Variants in TAGLN2 observed in about 807,000 individuals in gnomAD.
The protein encoded by TAGLN2 is transgelin-2.
In TAGLN2, 14 loss-of-function variants were observed where a neutral mutation model predicts 24.9. The ratio of observed to expected loss-of-function variants is 0.56; its 90% CI spans 0.37 to 0.88. TAGLN2 has a LOEUF of 0.88. TAGLN2 is among the 40% of genes least tolerant of loss of function. The probability of loss-of-function intolerance (pLI) is 0.00; values close to 1 mark genes in which losing one functional copy is unlikely to be tolerated. For missense variants in TAGLN2, 208 were observed against 258.9 expected, an observed-to-expected ratio of 0.80 and a Z score of 1.35; for synonymous variants, 77 against 98.2, an observed-to-expected ratio of 0.78 and a Z score of 1.28.
chr1:159,918,798 G>T lies in TAGLN2; in HGVS notation c.*2C>A. 1.2e-6 allele frequency: 2 copies of T among 1,613,970 alleles called. No homozygotes were observed. The highest frequency in any genetic ancestry group is 2.2e-5 in the East Asian group (1 of 44,890). ...AGGGCAGGGGCAAGGCCTGGGGTGG[G>T]ATCAGAGGATCTGGCGTGGCATCCC... On this transcript the variant is annotated 3_prime_UTR_variant, in exon 5 of 5. Coordinates refer to ENST00000368097, the MANE Select transcript of TAGLN2 (RefSeq NM_003564.3).
chr1:159,919,916 G>A, intron 2 of TAGLN2, 81 bp from the exon 3 acceptor site: 5 of 1,489,670 alleles, frequency 3.4e-6, no homozygotes, highest in Middle Eastern at 1.8e-4. Flanking sequence ...CAGAACCAGA[G>A]ACAATGAACC....
Position 159,919,196 on chromosome 1 carries a change from A to G in TAGLN2, c.458+78T>C, listed in dbSNP as rs557463476. On this transcript the variant is annotated intron_variant, in intron 4 of 4. Coordinates refer to ENST00000368097, the MANE Select transcript of TAGLN2 (RefSeq NM_003564.3). ...TTGTAAAGGGCCAGCTGCTACTGAGATAAGTTATTTCCTAGGGACAGGATT... is the reference window on the plus strand; with the variant it reads ...TTGTAAAGGGCCAGCTGCTACTGAGGTAAGTTATTTCCTAGGGACAGGATT... 15 of 1,442,920 alleles carry G rather than the reference A, an allele frequency of 1.0e-5. No individual in the cohort carries two copies. The South Asian group carries it at 1.4e-4, about 13-fold the overall frequency. 89.4% of individuals were successfully genotyped at this position (1,442,920 alleles called of 1,614,324 possible).
At position 159,919,323 on chromosome 1, in the gene TAGLN2, C is replaced by T; in HGVS notation, c.409G>A (p.Val137Ile). Residue 137 changes from valine (V) to isoleucine (I), a missense_variant, in exon 4 of 5, where the codon GTA becomes ATA. Physicochemically the swap from Val to Ile is conservative, Grantham distance 29. Coordinates refer to ENST00000368097, the MANE Select transcript of TAGLN2 (RefSeq NM_003564.3). ...GAGAAGAGCCCATCATCTCGGGCTA[C>T]TGCCAGCCCACCCAGATTCATCAGC... ...RTLMNLGGLA[V>I]ARDDGLFSGD... The T allele has an allele frequency of 4.3e-6, 7 of 1,614,242 alleles. No individual in the cohort carries two copies. Among genetic ancestry groups the T allele is most frequent in the Non-Finnish European group, 5.9e-6 (7 of 1,180,048 alleles).
At chr1:159,919,183 A>G in intron 4 of TAGLN2, 91 bp downstream of exon 4, 1 of 1,369,186 alleles carries the variant, frequency 7.3e-7, no homozygotes, top group Non-Finnish European at 1.0e-6. Context: ...GTAAAGGGCC[A>G]GCTGCTACTG....
intron 1 of TAGLN2, chr1:159,925,174 G>T (rs1650663540): frequency 6.6e-6 from 1 of 152,256 alleles, no homozygotes; most frequent in African/African-American, 2.4e-5. Context: ...CTCAGCGATG[G>T]AGCCCGCGGG....
rs1388097172 is a variant in TAGLN2 at position 159,918,615 on chromosome 1, A to G, written c.*185T>C. The G allele has an allele frequency of 5.1e-6, 4 of 786,266 alleles. No homozygotes were observed. The highest frequency in any genetic ancestry group is 2.0e-6 in the Non-Finnish European group (1 of 502,240). 48.7% of individuals were successfully genotyped at this position (786,266 alleles called of 1,614,324 possible). A position where few individuals can be genotyped will look rare whatever the true frequency, so the allele number is the denominator to read the frequency against. ...TTGATGGCTATGGGGAAGGGAATGT[A>G]TTAGTAAGCATGGGGGAGAGGATGC... is the stretch of plus-strand genomic sequence containing the variant. On this transcript the variant is annotated 3_prime_UTR_variant, in exon 5 of 5. Transcript: ENST00000368097.
intron 1 of TAGLN2, among the ~76,000 whole-genome samples, chr1:159,922,186 C>T (rs542529886): frequency 8.5e-5 from 13 of 152,328 alleles, no homozygotes; most frequent in Admixed American, 2.6e-4. Context: ...CAGCCTGCCT[C>T]AAACCCTCAA....
At chr1:159,922,843 C>T (rs981034739) in intron 1 of TAGLN2, among the ~76,000 whole-genome samples, 1 of 152,248 alleles carries the variant, frequency 6.6e-6, no homozygotes, top group African/African-American at 2.4e-5. Context: ...GCCTCCCAGA[C>T]CCACCACTGG....
At chr1:159,922,756 G>A (rs1384173435) in intron 1 of TAGLN2, among the ~76,000 whole-genome samples, 1 of 152,178 alleles carries the variant, frequency 6.6e-6, no homozygotes, top group Non-Finnish European at 1.5e-5. Context: ...CCTAGACACT[G>A]GGGTTAAGAG....
At position 159,919,759 on chromosome 1, in the gene TAGLN2, G is replaced by A. The variant is rs1650465304; in HGVS notation, c.257C>T (p.Ala86Val). 2.5e-6 allele frequency: 4 copies of A among 1,613,934 alleles called. No homozygotes were observed. Among genetic ancestry groups the A allele is most frequent in the Admixed American group, 1.7e-5 (1 of 59,988 alleles). The change falls in exon 3 of 5, where the codon GCC becomes GTC. Residue 86 changes from alanine (A) to valine (V), a missense_variant. Ala to Val is a moderately conservative substitution (Grantham distance 64, BLOSUM62 0). Coordinates refer to ENST00000368097, the MANE Select transcript of TAGLN2 (RefSeq NM_003564.3). ...PVKKIQASTM[A>V]FKQMEQISQF... is the part of the protein sequence containing the mutation. ...AGAGATCTGCTCCATCTGCTTGAAG[G>A]CCATGGTGGAGGCCTGGATCTTCTT...
intron 4 of TAGLN2, 156 bp from the exon 5 acceptor site, chr1:159,919,097 C>CCTTTGGACAGATG: frequency 7.6e-7 from 1 of 1,315,792 alleles, no homozygotes; most frequent in Non-Finnish European, 1.1e-6. Context: ...CTCATCTGTC[C>CCTTTGGACAGATG]AAAGGGACAG....
intron 4 of TAGLN2, 147 bp downstream of exon 4, chr1:159,919,127 G>C (rs1264067862): frequency 4.1e-6 from 5 of 1,234,116 alleles, no homozygotes; most frequent in Non-Finnish European, 4.6e-6. Flanking sequence ...ATCCCAGAGG[G>C]TGTTGTGAGG....
intron 1 of TAGLN2, among the ~76,000 whole-genome samples, chr1:159,923,237 C>T (rs760439131): frequency 6.6e-6 from 1 of 152,148 alleles, no homozygotes; most frequent in Non-Finnish European, 1.5e-5. Flanking sequence ...GTGTGGGGGA[C>T]CCCCAGAGCT....
At chr1:159,923,694 CCG>C in intron 1 of TAGLN2, 1 of 438,994 alleles carries the variant, frequency 2.3e-6, no homozygotes, top group Non-Finnish European at 4.1e-6. Context: ...AAGGGAACCA[CCG>C]TAGGGCAGCC....
rs746039655 is a variant in TAGLN2 at position 159,920,400 on chromosome 1, T to G, written c.110A>C (p.Gln37Pro). 3 of 1,614,052 alleles carry G rather than the reference T, an allele frequency of 1.9e-6. No individual in the cohort carries two copies. The highest frequency in any genetic ancestry group is 2.5e-6 in the Non-Finnish European group (3 of 1,180,020). The change falls in exon 2 of 5, where the codon CAG (glutamine) becomes CCG (proline). Residue 37 changes from glutamine to proline, a missense_variant. Coordinates refer to ENST00000368097, the MANE Select transcript of TAGLN2 (RefSeq NM_003564.3). ...GGGCCGGCCCACATCCTTTCGGCACTGGGTGGTGATCCACTGGATCAGGAT... is the reference window on the plus strand; with the variant it reads ...GGGCCGGCCCACATCCTTTCGGCACGGGGTGGTGATCCACTGGATCAGGAT... Reference protein sequence around the residue: ...EQILIQWITTQCRKDVGRPQP... With the variant: ...EQILIQWITTPCRKDVGRPQP...
At chr1:159,922,628 C>T (rs1038606715) in intron 1 of TAGLN2, among the ~76,000 whole-genome samples, 2 of 152,202 alleles carry the variant, frequency 1.3e-5, no homozygotes, top group African/African-American at 4.8e-5. Context: ...TTTCCGCAGC[C>T]CAGTTCCAGA....
chr1:159,919,311 C>T lies in TAGLN2; in HGVS notation c.421G>A (p.Asp141Asn). The T allele has an allele frequency of 6.2e-7, 1 of 1,614,244 alleles. No individual in the cohort carries two copies. Among genetic ancestry groups the T allele is most frequent in the South Asian group, 1.1e-5 (1 of 91,086 alleles). The change falls in exon 4 of 5, where the codon GAT becomes AAT. Residue 141 changes from aspartate to asparagine, a missense_variant. Transcript: ENST00000368097. ...NLGGLAVARDDGLFSGDPNWF... is the reference protein window; with the variant it reads ...NLGGLAVARDNGLFSGDPNWF... ...TTGGGATCCCCAGAGAAGAGCCCAT[C>T]ATCTCGGGCTACTGCCAGCCCACCC...
intron 4 of TAGLN2, 138 bp downstream of exon 4, chr1:159,919,136 G>A: frequency 1.6e-6 from 2 of 1,237,396 alleles, no homozygotes; most frequent in East Asian, 4.8e-5. Flanking sequence ...GGTGTTGTGA[G>A]GATTAAGTGA....
rs1424206087 is a variant in TAGLN2, at chr1:159,920,424, A to T, written c.86T>A (p.Ile29Asn). Reference sequence around the variant, plus strand: ...CTGGGTGGTGATCCACTGGATCAGGATCTGCTCCAGATCTGCATCATATTG... The same window carrying T: ...CTGGGTGGTGATCCACTGGATCAGGTTCTGCTCCAGATCTGCATCATATTG... ...EKQYDADLEQ[I>N]LIQWITTQCR... The change falls in exon 2 of 5, where the codon ATC (isoleucine) becomes AAC (asparagine). Residue 29 changes from isoleucine to asparagine, a missense_variant. Physicochemically the swap from Ile to Asn is moderately radical, Grantham distance 149. Transcript: ENST00000368097. 2 of 1,614,180 alleles carry T rather than the reference A, an allele frequency of 1.2e-6. No homozygotes were observed. Among genetic ancestry groups the T allele is most frequent in the Admixed American group, 1.7e-5 (1 of 60,026 alleles).
Sources: allele counts gnomAD v4.1 joint callset (sites outside exome capture counted in the v4.1 genomes callset), GRCh38; gene constraint gnomAD v4.1.1; transcripts MANE v1.5; gene names NCBI Gene and HGNC (gene_info 2026-07-23, HGNC 2026-07-21).